Variants in ADGRL3 observed in about 807,000 individuals in gnomAD.
ADGRL3 encodes adhesion G protein-coupled receptor L3.
ADGRL3 carries 62 observed loss-of-function variants against 153.5 expected under a neutral mutation model. The ratio of observed to expected loss-of-function variants is 0.40; its 90% CI spans 0.33 to 0.50. ADGRL3 has a LOEUF of 0.50. Ranked by LOEUF, ADGRL3 falls within the 20% of genes least tolerant of loss-of-function variation. The pLI is 0.47. For missense variants in ADGRL3, 1,641 were observed against 1,859.4 expected, an observed-to-expected ratio of 0.88 and a Z score of 2.16; for synonymous variants, 710 against 672.5, an observed-to-expected ratio of 1.06 and a Z score of -0.86.
intron 4 of ADGRL3, among the ~76,000 whole-genome samples, chr4:61,560,243 A>G (rs2098789013): frequency 6.6e-6 from 1 of 152,176 alleles, no homozygotes; most frequent in Non-Finnish European, 1.5e-5. Flanking sequence ...GTTTTAAACC[A>G]TAATGATTAG....
chr4:61,886,957 ATTT>A (rs1561416907), intron 9 of ADGRL3, among the ~76,000 whole-genome samples: 1 of 150,942 alleles, frequency 6.6e-6, no homozygotes. Flanking sequence ...TTCTTTGCCT[ATTT>A]TATTACTGAT....
chr4:61,344,579 T>C (rs984236223), intron 1 of ADGRL3, among the ~76,000 whole-genome samples: 1 of 149,908 alleles, frequency 6.7e-6, no homozygotes, highest in South Asian at 2.1e-4. Context: ...CTATAAGACT[T>C]TTTTTTTTCT....
chr4:61,965,758 G>GA (rs889836683), intron 17 of ADGRL3, among the ~76,000 whole-genome samples: 165 of 143,538 alleles, frequency 1.1e-3, no homozygotes, highest in Non-Finnish European at 1.3e-3. Flanking sequence ...CTCACAAAAA[G>GA]AAAAAAAAAA....
intron 9 of ADGRL3, among the ~76,000 whole-genome samples, chr4:61,858,380 T>G (rs937245952): frequency 6.6e-6 from 1 of 152,146 alleles, no homozygotes; most frequent in Non-Finnish European, 1.5e-5. Flanking sequence ...CCCAGCACTT[T>G]GGGAGGCCGA....
At chr4:61,444,553 T>A (rs1431542893) in intron 2 of ADGRL3, among the ~76,000 whole-genome samples, 1 of 152,238 alleles carries the variant, frequency 6.6e-6, no homozygotes, top group Non-Finnish European at 1.5e-5. Context: ...ATATCCTTTA[T>A]CATCCACTTA....
In ADGRL3 at chr4:61,293,461, C is replaced by T. The variant is rs566232875; in HGVS notation, c.-239-89663C>T. 1.1e-4 allele frequency among the ~76,000 whole-genome samples: 16 copies of T among 152,216 alleles called. No individual in the cohort carries two copies. The East Asian group carries it at 3.1e-3, about 29-fold the overall frequency. On this transcript the variant is annotated intron_variant, in intron 1 of 26. Coordinates refer to ENST00000683033, the MANE Select transcript of ADGRL3 (RefSeq NM_001387552.1). ...TATTTTCATGCTCTCACAATGATATCAAAACTGTACTTTAACTGTAAATGG... is the reference window on the plus strand; with the variant it reads ...TATTTTCATGCTCTCACAATGATATTAAAACTGTACTTTAACTGTAAATGG...
intron 1 of ADGRL3, among the ~76,000 whole-genome samples, chr4:61,237,995 T>C (rs1176223604): frequency 6.6e-6 from 1 of 152,194 alleles, no homozygotes; most frequent in East Asian, 1.9e-4. Context: ...TATCAATTCA[T>C]TGGAGGCCTA....
chr4:61,861,872 AG>A (rs2098343584), intron 9 of ADGRL3, among the ~76,000 whole-genome samples: 1 of 152,094 alleles, frequency 6.6e-6, no homozygotes. Context: ...GGAACTGACA[AG>A]CGGAACACCT....
In ADGRL3 at chr4:62,014,034, A is replaced by G. The variant is rs368348956; in HGVS notation, c.3396-14821A>G. Among the ~76,000 whole-genome samples the G allele has an allele frequency of 5.9e-5, 9 of 152,198 alleles. No homozygotes were observed. The South Asian group carries it at 1.7e-3, about 28-fold the overall frequency. On this transcript the variant is annotated intron_variant, in intron 21 of 26. Coordinates refer to ENST00000683033, the MANE Select transcript of ADGRL3 (RefSeq NM_001387552.1). ...AATGGTCATAGTATCTGGGCTGGTC[A>G]TGGGGGAAGGTATGAACATGAATTG...
chr4:61,243,683 A>G (rs1488118045), intron 1 of ADGRL3, among the ~76,000 whole-genome samples: 2 of 152,108 alleles, frequency 1.3e-5, no homozygotes, highest in African/African-American at 2.4e-5. Flanking sequence ...AAGAAAAACT[A>G]CTTAATGTCC....
At chr4:61,585,665 G>T (rs574447975) in intron 4 of ADGRL3, among the ~76,000 whole-genome samples, 1 of 151,864 alleles carries the variant, frequency 6.6e-6, no homozygotes. Context: ...GTTAGTAAAC[G>T]CTTCATTTAA....
chr4:61,902,297 C>T (rs188322242), intron 11 of ADGRL3, among the ~76,000 whole-genome samples: 81 of 152,194 alleles, frequency 5.3e-4, no homozygotes, highest in South Asian at 8.3e-4. Context: ...CTTCCCCTCC[C>T]GCACCCAGTC....
chr4:61,639,165 C>T (rs542935806), intron 5 of ADGRL3, among the ~76,000 whole-genome samples: 4 of 152,050 alleles, frequency 2.6e-5, no homozygotes, highest in Non-Finnish European at 4.4e-5. Flanking sequence ...TGCCTTTGTA[C>T]GCTAAAATAG....
At chr4:61,953,550 C>G (rs1285858102) in intron 17 of ADGRL3, among the ~76,000 whole-genome samples, 1 of 152,152 alleles carries the variant, frequency 6.6e-6, no homozygotes, top group Non-Finnish European at 1.5e-5. Flanking sequence ...TTCCTCCTTC[C>G]TAATTGTCAG....
chr4:61,677,030 C>G lies in ADGRL3; in HGVS notation c.583+95C>G, dbSNP rs370750400. On this transcript the variant is annotated intron_variant, in intron 6 of 26. Transcript: ENST00000683033. ...ATATTCTCTATGAAAACATAAATCA[C>G]GTAAATTAAATGAAAAAATTGGCTA... 223 of 833,776 alleles carry G rather than the reference C, an allele frequency of 2.7e-4. 4 individuals are homozygous for G. Among genetic ancestry groups the G allele is most frequent in the South Asian group, 1.6e-3 (92 of 58,934 alleles). 51.6% of individuals were successfully genotyped at this position (833,776 alleles called of 1,614,324 possible). A position where few individuals can be genotyped will look rare whatever the true frequency, so the allele number is the denominator to read the frequency against.
intron 1 of ADGRL3, among the ~76,000 whole-genome samples, chr4:61,296,698 A>G (rs932256047): frequency 2.0e-5 from 3 of 152,180 alleles, no homozygotes; most frequent in Admixed American, 1.3e-4. Context: ...TCATTTGGAA[A>G]TGAAGACTCT....
chr4:62,013,957 G>A (rs1411762348), intron 21 of ADGRL3, among the ~76,000 whole-genome samples: 1 of 151,498 alleles, frequency 6.6e-6, no homozygotes, highest in Non-Finnish European at 1.5e-5. Context: ...ACTTCAATAT[G>A]TGTGTGTGTT....
chr4:61,873,844 G>C (rs1302607510), intron 9 of ADGRL3, among the ~76,000 whole-genome samples: 1 of 151,926 alleles, frequency 6.6e-6, no homozygotes, highest in Non-Finnish European at 1.5e-5. Flanking sequence ...CTGGCATCTA[G>C]TGTGTAGAGT....
chr4:61,328,365 CT>C (rs1308388810), intron 1 of ADGRL3, among the ~76,000 whole-genome samples: 1 of 152,150 alleles, frequency 6.6e-6, no homozygotes, highest in Non-Finnish European at 1.5e-5. Flanking sequence ...ACTAGTGATG[CT>C]TTCCCAGTGA....
Sources: gnomAD v4.1 joint callset for allele counts (sites outside exome capture counted in the v4.1 genomes callset) on GRCh38, gnomAD v4.1.1 for gene constraint, MANE v1.5 for transcripts, NCBI Gene and HGNC (gene_info 2026-07-23, HGNC 2026-07-21) for gene names.